MICU3: variants seen among roughly 807,000 people sequenced by gnomAD.
MICU3 encodes the protein mitochondrial calcium uptake 3.
A neutral mutation model predicts 66.5 loss-of-function variants in MICU3; 62 were observed. The observed-to-expected ratio is 0.93, with a 90% confidence interval of 0.76 to 1.15. The LOEUF (loss-of-function observed/expected upper bound fraction) is 1.15, where lower values mean the gene tolerates loss of function less well. Among genes scored for constraint, MICU3 ranks in the 50% most tolerant of loss-of-function variants. The pLI is 0.00. For missense variants in MICU3, 779 were observed against 664.4 expected (o/e 1.17, Z -1.90); for synonymous variants, 308 against 240.7 (o/e 1.28, Z -2.59).
At chr8:17,133,991 C>G in the MICU3 span, among the ~76,000 whole-genome samples, 96 of 152,198 alleles carry the variant, frequency 6.3e-4, 1 homozygote, top group East Asian at 0.017. Context: ...CATGTAAATT[C>G]CTCTTTTTAA....
chr8:17,036,553 C>A (rs1342396343), intron 1 of MICU3, among the ~76,000 whole-genome samples: 2 of 152,144 alleles, frequency 1.3e-5, no homozygotes, highest in Non-Finnish European at 2.9e-5. Context: ...TTCTCCACAT[C>A]CCCATCAGAT....
chr8:17,056,614 T>C (rs1223760962), intron 1 of MICU3, among the ~76,000 whole-genome samples: 1 of 152,206 alleles, frequency 6.6e-6, no homozygotes, highest in Non-Finnish European at 1.5e-5. Flanking sequence ...GTACAAGTGA[T>C]GTAATAGGGA....
At chr8:17,063,547 G>C (rs2150629379) in intron 1 of MICU3, among the ~76,000 whole-genome samples, 1 of 152,190 alleles carries the variant, frequency 6.6e-6, no homozygotes, top group Admixed American at 6.5e-5. Flanking sequence ...ACCAATGATG[G>C]CCACTATACT....
At chr8:17,043,202 T>G (rs10097543) in intron 1 of MICU3, among the ~76,000 whole-genome samples, 22,420 of 151,676 alleles carry the variant, frequency 0.15, 3,374 homozygotes, top group African/African-American at 0.39. Flanking sequence ...GCCTCCCAAA[T>G]GGCTGGGATT....
At chr8:17,053,155 C>T (rs1429051697) in intron 1 of MICU3, among the ~76,000 whole-genome samples, 1 of 152,024 alleles carries the variant, frequency 6.6e-6, no homozygotes, top group Non-Finnish European at 1.5e-5. Context: ...ATTGTTCATT[C>T]TCATTTCTCT....
chr8:17,061,268 G>T (rs1351113063), intron 1 of MICU3, among the ~76,000 whole-genome samples: 1 of 152,134 alleles, frequency 6.6e-6, no homozygotes, highest in Non-Finnish European at 1.5e-5. Flanking sequence ...AAAGAAGGTG[G>T]ATCACATTCC....
At chr8:17,040,094 G>T (rs930078984) in intron 1 of MICU3, among the ~76,000 whole-genome samples, 27 of 151,750 alleles carry the variant, frequency 1.8e-4, no homozygotes, top group Admixed American at 1.7e-3. Context: ...TTTTAGTAGA[G>T]ACGGGGTTTC....
intron 1 of MICU3, among the ~76,000 whole-genome samples, chr8:17,034,897 G>C (rs1003449019): frequency 6.6e-6 from 1 of 152,206 alleles, no homozygotes; most frequent in South Asian, 2.1e-4. Flanking sequence ...TTATTTGATA[G>C]AGCAGTGGCA....
chr8:17,093,526 T>C (rs937189954), intron 8 of MICU3, among the ~76,000 whole-genome samples: 1 of 152,064 alleles, frequency 6.6e-6, no homozygotes, highest in African/African-American at 2.4e-5. Flanking sequence ...TTAAATCTTC[T>C]CTGTCATTAC....
At chr8:17,054,499 G>C (rs1816588668) in intron 1 of MICU3, among the ~76,000 whole-genome samples, 1 of 152,114 alleles carries the variant, frequency 6.6e-6, no homozygotes, top group South Asian at 2.1e-4. Context: ...CTGCCACCAA[G>C]TTTAGGAATA....
Position 17,027,353 on chromosome 8 carries a change from T to C in MICU3, c.74T>C (p.Leu25Pro), listed in dbSNP as rs749829944. The stretch of plus-strand genomic sequence containing the variant: ...CCACTCTGCGCTCACCAGCCCCTCC[T>C]TGGGCCGTGGGGGCGGCCTGCGGTG... ...SPPLCAHQPL[L>P]GPWGRPAVTT... is the part of the protein sequence containing the mutation. The change falls in exon 1 of 15, where the codon CTT becomes CCT. Residue 25 changes from leucine (L) to proline (P), a missense_variant. By Grantham distance (98) the Leu-to-Pro change is moderately conservative. Coordinates refer to ENST00000318063, the MANE Select transcript of MICU3 (RefSeq NM_181723.3). The C allele has an allele frequency of 3.3e-6, 5 of 1,509,982 alleles. No homozygotes were observed. The highest frequency in any genetic ancestry group is 5.4e-5 in the East Asian group (2 of 37,116). The allele number at this position is 1,509,982 out of a possible 1,614,324, so 93.5% of individuals were successfully genotyped here.
the MICU3 span, among the ~76,000 whole-genome samples, chr8:17,133,967 A>G: frequency 1.3e-5 from 2 of 152,306 alleles, no homozygotes; most frequent in East Asian, 3.9e-4. Flanking sequence ...ACGTGCCTCC[A>G]TCTTCAATAG....
chr8:17,090,373 T>G (rs1375943873), intron 7 of MICU3, among the ~76,000 whole-genome samples, 173 bp from the exon 8 acceptor site: 1 of 152,148 alleles, frequency 6.6e-6, no homozygotes, highest in East Asian at 1.9e-4. Flanking sequence ...ACTTTGCTAC[T>G]CATCTTTAAC....
chr8:17,117,680 C>A (rs2150839899), intron 13 of MICU3, among the ~76,000 whole-genome samples: 1 of 150,330 alleles, frequency 6.7e-6, no homozygotes. Flanking sequence ...GCAATCTCAG[C>A]CCACTGCAAC....
At chr8:17,138,525 G>C in the MICU3 span, among the ~76,000 whole-genome samples, 1 of 152,092 alleles carries the variant, frequency 6.6e-6, no homozygotes, top group Non-Finnish European at 1.5e-5. Context: ...TGTCCACTTT[G>C]TCTTTAATTT....
chr8:17,035,061 A>G (rs1333616085), intron 1 of MICU3, among the ~76,000 whole-genome samples: 1 of 152,130 alleles, frequency 6.6e-6, no homozygotes, highest in Non-Finnish European at 1.5e-5. Flanking sequence ...GTCTCACAAG[A>G]TCTGATGTTT....
chr8:17,087,071 G>C (rs773839721), intron 7 of MICU3, 36 bp downstream of exon 7: 1 of 1,276,850 alleles, frequency 7.8e-7, no homozygotes, highest in Non-Finnish European at 1.1e-6. Context: ...GGTGGCTTTT[G>C]TAGGCAACAA....
At chr8:17,117,725 C>T (rs185105071) in intron 13 of MICU3, among the ~76,000 whole-genome samples, 1 of 151,630 alleles carries the variant, frequency 6.6e-6, no homozygotes, top group African/African-American at 2.4e-5. Context: ...TCCCTTGCCT[C>T]AGCCTCCTGA....
Position 17,104,491 on chromosome 8 carries a change from G to A in MICU3, c.1085G>A (p.Arg362Lys), listed in dbSNP as rs768612883. The A allele has an allele frequency of 1.5e-5, 21 of 1,386,782 alleles. No homozygotes were observed. Among genetic ancestry groups the A allele is most frequent in the Non-Finnish European group, 2.0e-5 (21 of 1,036,808 alleles). The allele number at this position is 1,386,782 out of a possible 1,614,324, so 85.9% of individuals were successfully genotyped here. The part of the protein sequence containing the change: ...KAELNFEDFY[R>K]FMDNLQTEVL... ...GAGCTCAACTTTGAAGATTTTTATA[G>A]GTGAGCTTATTTTTATATTTTTATT... Residue 362 changes from arginine (R) to lysine (K), a missense_variant and splice_region_variant, in exon 10 of 15, where the codon AGA becomes AAA. Physicochemically the swap from Arg to Lys is conservative, Grantham distance 26. Coordinates refer to ENST00000318063, the MANE Select transcript of MICU3 (RefSeq NM_181723.3).
Sources: gnomAD v4.1 joint callset for allele counts (sites outside exome capture counted in the v4.1 genomes callset) on GRCh38, gnomAD v4.1.1 for gene constraint, MANE v1.5 for transcripts, NCBI Gene and HGNC (gene_info 2026-07-23, HGNC 2026-07-21) for gene names.